Variants in LRRTM4 observed in about 807,000 individuals in gnomAD.
LRRTM4 encodes leucine-rich repeat transmembrane neuronal protein 4.
Under a neutral mutation model 47.6 loss-of-function variants are expected in LRRTM4, and 25 were observed. That is an observed-to-expected ratio of 0.53 (90% CI 0.38 to 0.73). The LOEUF (loss-of-function observed/expected upper bound fraction) is 0.73, where lower values mean the gene tolerates loss of function less well. LRRTM4 is among the 30% of genes least tolerant of loss of function. The pLI, the probability that LRRTM4 is intolerant of heterozygous loss-of-function variation, is 0.00. For missense variants in LRRTM4, 638 were observed against 713.4 expected, an observed-to-expected ratio of 0.89 and a Z score of 1.20; for synonymous variants, 311 against 269.5, an observed-to-expected ratio of 1.15 and a Z score of -1.51.
intron 3 of LRRTM4, among the ~76,000 whole-genome samples, chr2:77,141,299 G>C (rs1672114635): frequency 6.6e-6 from 1 of 152,166 alleles, no homozygotes; most frequent in East Asian, 1.9e-4. Context: ...GCCATAAAAA[G>C]GATGAGTTCG....
At chr2:77,061,599 T>C (rs773032460) in intron 3 of LRRTM4, among the ~76,000 whole-genome samples, 1 of 152,030 alleles carries the variant, frequency 6.6e-6, no homozygotes, top group African/African-American at 2.4e-5. Flanking sequence ...GATTAAACAC[T>C]GCTTTTTGGT....
At chr2:77,214,909 T>C (rs1053975850) in intron 3 of LRRTM4, among the ~76,000 whole-genome samples, 1 of 152,150 alleles carries the variant, frequency 6.6e-6, no homozygotes, top group Non-Finnish European at 1.5e-5. Context: ...GGTATCATAA[T>C]AAACTTTTTC....
chr2:77,055,492 A>G (rs766142143), intron 3 of LRRTM4, among the ~76,000 whole-genome samples: 3 of 152,230 alleles, frequency 2.0e-5, no homozygotes, highest in Non-Finnish European at 4.4e-5. Flanking sequence ...ACCATGAGAT[A>G]CCATCTCACA....
intron 3 of LRRTM4, among the ~76,000 whole-genome samples, chr2:77,423,649 A>C (rs1674990108): frequency 6.6e-6 from 1 of 152,180 alleles, no homozygotes; most frequent in African/African-American, 2.4e-5. Flanking sequence ...GGAAGGGGCA[A>C]AACTTTCTTT....
intron 3 of LRRTM4, among the ~76,000 whole-genome samples, chr2:77,224,390 C>T (rs1379959599): frequency 6.6e-6 from 1 of 152,146 alleles, no homozygotes. Flanking sequence ...AGCTTCTGCA[C>T]AGCAAAAGAA....
At chr2:77,471,587 G>A (rs1333704084) in intron 3 of LRRTM4, among the ~76,000 whole-genome samples, 1 of 152,082 alleles carries the variant, frequency 6.6e-6, no homozygotes, top group Non-Finnish European at 1.5e-5. Context: ...CTTTAGCCAT[G>A]TGGTCTCCTT....
At chr2:76,947,958 T>C (rs1464928011) in intron 3 of LRRTM4, among the ~76,000 whole-genome samples, 1 of 151,894 alleles carries the variant, frequency 6.6e-6, no homozygotes, top group Non-Finnish European at 1.5e-5. Flanking sequence ...CCTTCTACTC[T>C]GGACTGAAGC....
chr2:77,128,418 A>ATAGATAGATAGATAGG (rs1474154700), intron 3 of LRRTM4, among the ~76,000 whole-genome samples: 2 of 152,094 alleles, frequency 1.3e-5, no homozygotes, highest in Non-Finnish European at 2.9e-5. Context: ...AGATAGATAG[A>ATAGATAGATAGATAGG]TAGAGAAATG....
intron 3 of LRRTM4, among the ~76,000 whole-genome samples, chr2:76,886,669 C>T (rs545399765): frequency 2.0e-5 from 3 of 151,968 alleles, no homozygotes; most frequent in Non-Finnish European, 4.4e-5. Flanking sequence ...CAAATAGTAA[C>T]ATAACTCTCC....
At chr2:76,936,585 TAAAA>T (rs869085850) in intron 3 of LRRTM4, among the ~76,000 whole-genome samples, 1 of 96,950 alleles carries the variant, frequency 1.0e-5, no homozygotes, top group African/African-American at 3.2e-5. Flanking sequence ...TAAAGTATAA[TAAAA>T]AAAAAAAAAA....
intron 3 of LRRTM4, among the ~76,000 whole-genome samples, chr2:77,061,554 A>G (rs1679785427): frequency 6.6e-6 from 1 of 152,180 alleles, no homozygotes. Flanking sequence ...AAATCTCTCC[A>G]GAAAGAGTGT....
intron 3 of LRRTM4, among the ~76,000 whole-genome samples, chr2:77,353,832 G>A (rs1671872544): frequency 6.6e-6 from 1 of 152,152 alleles, no homozygotes; most frequent in African/African-American, 2.4e-5. Context: ...CCTAAAGCTG[G>A]GGCTTAGCCC....
chr2:76,791,140 C>A (rs1674949074), intron 3 of LRRTM4, among the ~76,000 whole-genome samples: 1 of 152,120 alleles, frequency 6.6e-6, no homozygotes, highest in African/African-American at 2.4e-5. Context: ...GCTACTTCTT[C>A]TTAAGTGAAA....
At chr2:77,465,396 T>C (rs2103980594) in intron 3 of LRRTM4, among the ~76,000 whole-genome samples, 1 of 152,294 alleles carries the variant, frequency 6.6e-6, no homozygotes, top group Non-Finnish European at 1.5e-5. Context: ...GGGTTTTAAT[T>C]TGACACAGCG....
In LRRTM4 at chr2:76,990,993, A is replaced by T. The variant is rs539223228; in HGVS notation, c.1552-242077T>A. Among the ~76,000 whole-genome samples the T allele has an allele frequency of 1.1e-4, 17 of 151,920 alleles. No homozygotes were observed. The East Asian group carries it at 3.3e-3, about 29-fold the overall frequency. On this transcript the variant is annotated intron_variant, in intron 3 of 3. Transcript: ENST00000409884. Reference sequence around the variant, plus strand: ...CAAAACAGAAATCAATAACAAGAAGATCTCTGTAAACCACACAGTTACATG... The same window carrying T: ...CAAAACAGAAATCAATAACAAGAAGTTCTCTGTAAACCACACAGTTACATG...
intron 3 of LRRTM4, among the ~76,000 whole-genome samples, chr2:77,039,086 A>C (rs1267419319): frequency 6.6e-6 from 1 of 151,458 alleles, no homozygotes; most frequent in Non-Finnish European, 1.5e-5. Flanking sequence ...GAATTAATTT[A>C]AAAAATAAAT....
At chr2:76,936,193 G>A (rs752488741) in intron 3 of LRRTM4, among the ~76,000 whole-genome samples, 1 of 152,040 alleles carries the variant, frequency 6.6e-6, no homozygotes, top group Non-Finnish European at 1.5e-5. Flanking sequence ...CAACCCAAAT[G>A]CCCATCAATG....
intron 3 of LRRTM4, among the ~76,000 whole-genome samples, chr2:77,311,267 T>C (rs1161886473): frequency 6.6e-6 from 1 of 152,176 alleles, no homozygotes; most frequent in African/African-American, 2.4e-5. Context: ...TACTGAGTTT[T>C]CTTGGAAAAA....
chr2:77,019,644 A>G (rs541426241), intron 3 of LRRTM4, among the ~76,000 whole-genome samples: 21 of 152,276 alleles, frequency 1.4e-4, no homozygotes, highest in African/African-American at 4.8e-4. Context: ...TAAAAATTAC[A>G]TCAGTTGCAG....
Sources: gnomAD v4.1 joint callset for allele counts (sites outside exome capture counted in the v4.1 genomes callset) on GRCh38, gnomAD v4.1.1 for gene constraint, MANE v1.5 for transcripts, NCBI Gene and HGNC (gene_info 2026-07-23, HGNC 2026-07-21) for gene names.